The following C1orf198 variants were observed in gnomAD, a reference collection of about 807,000 sequenced individuals.
C1orf198 encodes the protein chromosome 1 open reading frame 198.
A neutral mutation model predicts 31.4 loss-of-function variants in C1orf198; 17 were observed. The observed-to-expected ratio is 0.54, with a 90% confidence interval of 0.37 to 0.81. The LOEUF (loss-of-function observed/expected upper bound fraction) is 0.81, where lower values mean the gene tolerates loss of function less well. Ranked by LOEUF, C1orf198 falls within the 40% of genes least tolerant of loss-of-function variation. The pLI is 0.00. For synonymous variants in C1orf198, 175 were observed against 193.8 expected (o/e 0.90, Z 0.81); for missense variants, 401 against 450.3 (o/e 0.89, Z 0.99).
chr1:230,855,615 A>T, intron 2 of C1orf198, 53 bp downstream of exon 2: 1 of 1,574,916 alleles, frequency 6.3e-7, no homozygotes, highest in Non-Finnish European at 8.7e-7. Context: ...AAAATATACA[A>T]CTACTCAGTT....
chr1:230,856,287 C>T (rs561141459), intron 1 of C1orf198, among the ~76,000 whole-genome samples: 9 of 152,138 alleles, frequency 5.9e-5, no homozygotes, highest in African/African-American at 2.2e-4. Context: ...TCAGCAGAAT[C>T]AATGAAGAAA....
intron 1 of C1orf198, among the ~76,000 whole-genome samples, chr1:230,859,509 A>C (rs1212424261): frequency 1.3e-5 from 2 of 152,202 alleles, no homozygotes; most frequent in African/African-American, 4.8e-5. Flanking sequence ...AATGGGCAGC[A>C]CTGAATCTCT....
chr1:230,839,517 T>G lies in C1orf198; in HGVS notation c.*335A>C, dbSNP rs1669390418. ...AGGAGATGGAAATCACTTATATGAT[T>G]TTTGTGACATGGTTGAAACACATCC... On this transcript the variant is annotated 3_prime_UTR_variant, in exon 4 of 4. Transcript: ENST00000366663. The G allele has an allele frequency of 8.2e-6, 2 of 245,398 alleles. No individual in the cohort carries two copies. Among genetic ancestry groups the G allele is most frequent in the Non-Finnish European group, 1.5e-5 (2 of 130,582 alleles). The allele number at this position is 245,398 out of a possible 1,614,324, so 15.2% of individuals were successfully genotyped here.
rs767556367 is a variant in C1orf198 at position 230,843,710 on chromosome 1, A to T, written c.571T>A (p.Trp191Arg). 6.2e-7 allele frequency: 1 copy of T among 1,614,232 alleles called. No individual in the cohort carries two copies. Among genetic ancestry groups the T allele is most frequent in the Non-Finnish European group, 8.5e-7 (1 of 1,180,036 alleles). The change falls in exon 3 of 4, where the codon TGG becomes AGG. Residue 191 changes from tryptophan (W) to arginine (R), a missense_variant. Trp to Arg is a moderately radical substitution (Grantham distance 101, BLOSUM62 -3). Transcript: ENST00000366663. This position sits in a 1 kb window ranked among gnomAD's most constrained non-coding sequence, Gnocchi z 4.9. ...PTRKEEEASF[W>R]KINAERSRGE... Reference sequence around the variant, plus strand: ...CGGGACCGCTCAGCATTGATCTTCCAGAATGACGCTTCCTCCTCCTTCCTG... The same window carrying T: ...CGGGACCGCTCAGCATTGATCTTCCTGAATGACGCTTCCTCCTCCTTCCTG...
intron 1 of C1orf198, among the ~76,000 whole-genome samples, chr1:230,864,044 T>C (rs7514850): frequency 6.6e-6 from 1 of 152,186 alleles, no homozygotes; most frequent in African/African-American, 2.4e-5. Flanking sequence ...GGAAACTTCA[T>C]GTGTCATTGG....
rs1186395443 is a variant in C1orf198 at position 230,868,169 on chromosome 1, C to A, written c.333+11G>T. ...GAGGGGAAGAGGGTCCGCGGCCAGG[C>A]CCGCACCTACCTCGTCCCCGAAGCG... On this transcript the variant is annotated intron_variant, in intron 1 of 3. Coordinates refer to ENST00000366663, the MANE Select transcript of C1orf198 (RefSeq NM_032800.3). 1.3e-6 allele frequency: 2 copies of A among 1,491,810 alleles called. No homozygotes were observed. The highest frequency in any genetic ancestry group is 1.8e-6 in the Non-Finnish European group (2 of 1,127,010). The allele number at this position is 1,491,810 out of a possible 1,614,324, so 92.4% of individuals were successfully genotyped here.
rs560529864 is a variant in C1orf198 at position 230,843,160 on chromosome 1, G to A, written c.927+194C>T. On this transcript the variant is annotated intron_variant, in intron 3 of 3. Transcript: ENST00000366663. This position sits in a 1 kb window ranked among gnomAD's most constrained non-coding sequence, Gnocchi z 4.9. ...CAAATTAGGGCACCCAGATGGACTC[G>A]CAAAACTTGTCTTGTTGCATATTTG... 2.6e-5 allele frequency among the ~76,000 whole-genome samples: 4 copies of A among 152,324 alleles called. No homozygotes were observed. The highest frequency in any genetic ancestry group is 6.5e-5 in the Admixed American group (1 of 15,306).
In C1orf198 at chr1:230,857,310, G is replaced by A. The variant is rs531696498; in HGVS notation, c.334-1592C>T. Among the ~76,000 whole-genome samples, 6 of 152,200 alleles carry A rather than the reference G, an allele frequency of 3.9e-5. No individual in the cohort carries two copies. Among genetic ancestry groups the A allele is most frequent in the Non-Finnish European group, 5.9e-5 (4 of 68,042 alleles). On this transcript the variant is annotated intron_variant, in intron 1 of 3. Coordinates refer to ENST00000366663, the MANE Select transcript of C1orf198 (RefSeq NM_032800.3). This position sits in a 1 kb window ranked among gnomAD's most constrained non-coding sequence, Gnocchi z 4.2. The stretch of plus-strand genomic sequence containing the variant: ...GTCCGCTTCTCTATCCCAAGTGCCC[G>A]GAAGACTCAGCGACTGCCCGTAGCG...
intron 2 of C1orf198, among the ~76,000 whole-genome samples, chr1:230,851,434 C>G (rs1304413114): frequency 6.6e-6 from 1 of 152,228 alleles, no homozygotes; most frequent in African/African-American, 2.4e-5. Flanking sequence ...ATTTTCTCCT[C>G]TGAATTCTCC....
chr1:230,847,166 C>A (rs1205537503), intron 2 of C1orf198, among the ~76,000 whole-genome samples: 75 of 147,858 alleles, frequency 5.1e-4, no homozygotes, highest in Admixed American at 8.1e-4. Context: ...GTAATCCCAG[C>A]CACTCAGGAG....
intron 2 of C1orf198, among the ~76,000 whole-genome samples, chr1:230,849,260 C>T (rs950831878): frequency 1.3e-5 from 2 of 152,234 alleles, no homozygotes; most frequent in African/African-American, 4.8e-5. Context: ...TCTCCCACGG[C>T]ACTGAGCAAC....
chr1:230,843,660 G>A lies in C1orf198; in HGVS notation c.621C>T (p.Phe207=). ...TGATCTGGCTAGGGGTCAGCGACTG[G>A]AACTCGGCCTCAGGCCCCTCCCCTC... ...RSRGEGPEAE[F]QSLTPSQIKS... The change falls in exon 3 of 4, where the codon TTC becomes TTT. Residue 207 remains phenylalanine (F), a synonymous_variant. Coordinates refer to ENST00000366663, the MANE Select transcript of C1orf198 (RefSeq NM_032800.3). The surrounding 1 kb of genome is among the most constrained non-coding windows in gnomAD (Gnocchi z 4.9). The A allele has an allele frequency of 6.2e-7, 1 of 1,614,218 alleles. No homozygotes were observed. Among genetic ancestry groups the A allele is most frequent in the Non-Finnish European group, 8.5e-7 (1 of 1,180,038 alleles).
intron 1 of C1orf198, chr1:230,856,030 G>A (rs1050464146): frequency 9.1e-7 from 1 of 1,101,098 alleles, no homozygotes. Context: ...GATGGTCTCA[G>A]CAGAATCAGG....
At chr1:230,867,667 T>A (rs367843633) in intron 1 of C1orf198, among the ~76,000 whole-genome samples, 22 of 152,198 alleles carry the variant, frequency 1.4e-4, no homozygotes, top group African/African-American at 4.1e-4. Context: ...ACTTTCCCCA[T>A]ACATCTCATC....
intron 1 of C1orf198, among the ~76,000 whole-genome samples, chr1:230,865,097 G>A (rs569805406): frequency 1.1e-4 from 17 of 152,196 alleles, no homozygotes; most frequent in Non-Finnish European, 2.2e-4. Context: ...CACGGCCCCA[G>A]TGTCTGGGCC....
At chr1:230,854,743 C>A (rs1011792365) in intron 2 of C1orf198, among the ~76,000 whole-genome samples, 2 of 152,184 alleles carry the variant, frequency 1.3e-5, no homozygotes, top group South Asian at 4.1e-4. Flanking sequence ...AAGACACAGT[C>A]GCCAACATGA....
intron 2 of C1orf198, among the ~76,000 whole-genome samples, chr1:230,855,428 T>C (rs1416979032): frequency 1.3e-5 from 2 of 152,156 alleles, no homozygotes; most frequent in Non-Finnish European, 2.9e-5. Flanking sequence ...TGGGGCGTCA[T>C]TGGACCCTGG....
chr1:230,866,782 G>T (rs1442767105), intron 1 of C1orf198, among the ~76,000 whole-genome samples: 1 of 152,198 alleles, frequency 6.6e-6, no homozygotes, highest in South Asian at 2.1e-4. Context: ...TTATAAATAC[G>T]CCTATTTTCC....
At chr1:230,868,048 C>CCCCCCCCAT in intron 1 of C1orf198, 132 bp downstream of exon 1, 8 of 977,800 alleles carry the variant, frequency 8.2e-6, no homozygotes, top group Non-Finnish European at 9.6e-6. Flanking sequence ...CCCTCCCACC[C>CCCCCCCCAT]ACTGCCATTC....
Sources: allele counts gnomAD v4.1 joint callset (sites outside exome capture counted in the v4.1 genomes callset), GRCh38; gene constraint gnomAD v4.1.1; non-coding constraint Gnocchi (gnomAD v3.1); transcripts MANE v1.5; gene names NCBI Gene and HGNC (gene_info 2026-07-23, HGNC 2026-07-21).